ENPP2: variants seen among roughly 807,000 people sequenced by gnomAD.
ENPP2 encodes autotaxin.
A neutral mutation model predicts 120.2 loss-of-function variants in ENPP2; 51 were observed. The observed-to-expected ratio is 0.42, with a 90% CI of 0.34 to 0.54. The LOEUF (loss-of-function observed/expected upper bound fraction) is 0.54. Ranked by LOEUF, ENPP2 falls within the 20% of genes least tolerant of loss-of-function variation. ENPP2 has a pLI of 0.04. For missense variants in ENPP2, 920 were observed against 1,066.5 expected, an observed-to-expected ratio of 0.86 and a Z score of 1.91; for synonymous variants, 365 against 366.4, an observed-to-expected ratio of 1.00 and a Z score of 0.04.
At chr8:119,575,984 A>C (rs1034563498) in intron 19 of ENPP2, among the ~76,000 whole-genome samples, 24 of 152,196 alleles carry the variant, frequency 1.6e-4, no homozygotes, top group African/African-American at 5.8e-4. Context: ...AGTGAATGCT[A>C]TCTCCTTCTT....
At chr8:119,605,282 G>T (rs1219757322) in intron 9 of ENPP2, among the ~76,000 whole-genome samples, 1 of 152,010 alleles carries the variant, frequency 6.6e-6, no homozygotes, top group Non-Finnish European at 1.5e-5. Flanking sequence ...ATGTTGCCCA[G>T]CTTGGTCTCA....
intron 24 of ENPP2, among the ~76,000 whole-genome samples, chr8:119,559,912 C>T (rs142915111): frequency 6.7e-4 from 102 of 152,256 alleles, no homozygotes; most frequent in African/African-American, 2.3e-3. Flanking sequence ...GACCCTTCAA[C>T]GAGAAGCATG....
At chr8:119,601,200 G>A (rs966162660) in intron 10 of ENPP2, among the ~76,000 whole-genome samples, 197 bp downstream of exon 10, 2 of 152,216 alleles carry the variant, frequency 1.3e-5, no homozygotes, top group Non-Finnish European at 2.9e-5. Flanking sequence ...AATAGCTGCA[G>A]TAATCCAAGT....
At chr8:119,642,634 A>G (rs1176141780), upstream of ENPP2, among the ~76,000 whole-genome samples, 2 of 152,230 alleles carry the variant, frequency 1.3e-5, no homozygotes, top group Non-Finnish European at 2.9e-5. Flanking sequence ...ATTGGACATT[A>G]AAGTTTAGAT....
chr8:119,584,031 A>G lies in ENPP2; in HGVS notation c.1386T>C (p.Tyr462=), dbSNP rs760265854. ...AAAAGCATTTTCCTGATGGTTTCTT[A>G]TAAACATCCAAAGGTTTCCTAAATT... is the stretch of plus-strand genomic sequence containing the variant. ...WHVARKPLDV[Y]KKPSGKCFFQ... Residue 462 remains tyrosine (Y), a synonymous_variant, in exon 16 of 25, where the codon TAT becomes TAC. Transcript: ENST00000075322. 3.1e-6 allele frequency: 5 copies of G among 1,610,608 alleles called. No individual in the cohort carries two copies. Among genetic ancestry groups the G allele is most frequent in the Non-Finnish European group, 3.4e-6 (4 of 1,176,956 alleles).
At chr8:119,669,297 T>C (rs990790819) in intron 1 of ENPP2, among the ~76,000 whole-genome samples, 1 of 152,240 alleles carries the variant, frequency 6.6e-6, no homozygotes, top group Admixed American at 6.5e-5. Context: ...AATCTGTGCC[T>C]TCCTGAAATC....
chr8:119,640,148 T>C (rs1198637236), upstream of ENPP2, among the ~76,000 whole-genome samples: 1 of 152,178 alleles, frequency 6.6e-6, no homozygotes, highest in Non-Finnish European at 1.5e-5. Flanking sequence ...TAATATCTAA[T>C]TGAAAAAAAG....
intron 1 of ENPP2, among the ~76,000 whole-genome samples, chr8:119,655,456 T>G (rs1442863104): frequency 1.3e-5 from 2 of 152,230 alleles, no homozygotes; most frequent in Non-Finnish European, 2.9e-5. Context: ...CTCTCTGGCT[T>G]GTTTAGAATC....
At chr8:119,661,451 C>G (rs1442134175) in intron 1 of ENPP2, among the ~76,000 whole-genome samples, 1 of 152,098 alleles carries the variant, frequency 6.6e-6, no homozygotes, top group Non-Finnish European at 1.5e-5. Flanking sequence ...CAAAGCAAAA[C>G]CACAATGAAA....
At chr8:119,668,429 C>CTTTTTTTTTTT (rs5894492) in intron 1 of ENPP2, among the ~76,000 whole-genome samples, 11 of 110,540 alleles carry the variant, frequency 1.0e-4, no homozygotes, top group Non-Finnish European at 1.5e-4. Context: ...TTTTCTTTTT[C>CTTTTTTTTTTT]TTTTTTTTTT....
intron 24 of ENPP2, among the ~76,000 whole-genome samples, chr8:119,561,548 G>A (rs1813931807): frequency 6.6e-6 from 1 of 152,122 alleles, no homozygotes; most frequent in Non-Finnish European, 1.5e-5. Context: ...GGACCTGAAG[G>A]TTTTTCCATC....
chr8:119,560,627 C>T (rs1187085868), intron 24 of ENPP2, among the ~76,000 whole-genome samples: 1 of 152,166 alleles, frequency 6.6e-6, no homozygotes, highest in African/African-American at 2.4e-5. Context: ...ATTTATCTTC[C>T]TAAAGCAGAG....
At chr8:119,608,205 T>C (rs146141486) in intron 8 of ENPP2, among the ~76,000 whole-genome samples, 1 of 152,368 alleles carries the variant, frequency 6.6e-6, no homozygotes, top group East Asian at 1.9e-4. Context: ...CCTGCTATGA[T>C]TCTAGTGACA....
chr8:119,583,554 G>A (rs1181535784), intron 17 of ENPP2, among the ~76,000 whole-genome samples, 163 bp downstream of exon 17: 3 of 152,202 alleles, frequency 2.0e-5, no homozygotes, highest in Admixed American at 6.5e-5. Context: ...CTTAGAAGGG[G>A]ATAATATTCT....
intron 1 of ENPP2, among the ~76,000 whole-genome samples, chr8:119,654,291 T>C (rs1004165884): frequency 2.8e-5 from 4 of 141,660 alleles, no homozygotes; most frequent in African/African-American, 1.0e-4. Context: ...CAATATTATA[T>C]AGATGTATCT....
chr8:119,583,802 A>C lies in ENPP2; in HGVS notation c.1458T>G (p.Thr486=), dbSNP rs1812916161. 1 of 1,580,822 alleles carries C rather than the reference A, an allele frequency of 6.3e-7. No individual in the cohort carries two copies. Among genetic ancestry groups the C allele is most frequent in the African/African-American group, 1.4e-5 (1 of 73,748 alleles). ...ATGTTGAGCCATAACCTACAAAAACAGTCTTCCAAAAGAAAAGAAAAACAA... is the reference window on the plus strand; with the variant it reads ...ATGTTGAGCCATAACCTACAAAAACCGTCTTCCAAAAGAAAAGAAAAACAA... ...GFDNKVNSMQ[T]VFVGYGSTFK... is the part of the protein sequence containing the mutation. Residue 486 remains threonine (T), a splice_region_variant and synonymous_variant, in exon 17 of 25, where the codon ACT becomes ACG. Transcript: ENST00000075322.
chr8:119,578,013 C>T (rs1005670488), intron 19 of ENPP2, among the ~76,000 whole-genome samples: 5 of 151,984 alleles, frequency 3.3e-5, no homozygotes, highest in African/African-American at 1.2e-4. Flanking sequence ...TTTTTATGCT[C>T]TTAAGTTTGA....
intron 11 of ENPP2, among the ~76,000 whole-genome samples, chr8:119,594,916 A>G (rs888336211): frequency 6.6e-6 from 1 of 152,208 alleles, no homozygotes; most frequent in Admixed American, 6.5e-5. Context: ...CTGTTATTTC[A>G]TTGGGAAATC....
intron 1 of ENPP2, among the ~76,000 whole-genome samples, chr8:119,659,976 C>T (rs1268322257): frequency 6.6e-6 from 1 of 152,130 alleles, no homozygotes; most frequent in African/African-American, 2.4e-5. Flanking sequence ...CACCACAGGC[C>T]TTTTCAAGGC....
Sources: gnomAD v4.1 joint callset for allele counts (sites outside exome capture counted in the v4.1 genomes callset) on GRCh38, gnomAD v4.1.1 for gene constraint, MANE v1.5 for transcripts, NCBI Gene and HGNC (gene_info 2026-07-23, HGNC 2026-07-21) for gene names.